The following RANBP2 variants were observed in gnomAD, a reference collection of about 807,000 sequenced individuals.
RANBP2 encodes RAN binding protein 2.
A neutral mutation model predicts 303.6 loss-of-function variants in RANBP2; 57 were observed. That is an observed-to-expected ratio of 0.19 (90% CI 0.15 to 0.23). The LOEUF (loss-of-function observed/expected upper bound fraction) is 0.23. Ranked by LOEUF, RANBP2 falls within the 10% of genes least tolerant of loss-of-function variation. The probability of loss-of-function intolerance (pLI) is 1.00; values close to 1 mark genes in which losing one functional copy is unlikely to be tolerated. For synonymous variants in RANBP2, 1,167 were observed against 1,301.5 expected, an observed-to-expected ratio of 0.90 and a Z score of 2.23; for missense variants, 3,138 against 3,780.8, an observed-to-expected ratio of 0.83 and a Z score of 4.46.
In RANBP2 at chr2:108,725,741, G is replaced by C. The variant is rs1415121070; in HGVS notation, c.73-3391G>C. Among the ~76,000 whole-genome samples, 3 of 149,806 alleles carry C rather than the reference G, an allele frequency of 2.0e-5. No individual in the cohort carries two copies. In the East Asian group the frequency reaches 6.1e-4, roughly 31 times the overall value. ...CAAGACTCCATCTCAAAAAAAAAAA[G>C]GAAGGGGGGAACAAGCCTTGTTCCT... On this transcript the variant is annotated intron_variant, in intron 1 of 28. Transcript: ENST00000283195.
At chr2:109,521,137 G>C in the RANBP2 span, among the ~76,000 whole-genome samples, 1 of 151,474 alleles carries the variant, frequency 6.6e-6, no homozygotes, top group Non-Finnish European at 1.5e-5. Context: ...AGAATGGCGT[G>C]AACCCGGGAG....
chr2:108,878,701 A>G, the RANBP2 span, among the ~76,000 whole-genome samples: 2 of 152,228 alleles, frequency 1.3e-5, no homozygotes, highest in African/African-American at 4.8e-5. Flanking sequence ...TGTTAGTAGT[A>G]AGTATCTGGG....
At chr2:108,730,263 A>G (rs1408803521) in intron 2 of RANBP2, among the ~76,000 whole-genome samples, 1 of 138,908 alleles carries the variant, frequency 7.2e-6, no homozygotes, top group Non-Finnish European at 1.5e-5. Flanking sequence ...AATTTCCTGT[A>G]TTTGGTACTG....
chr2:109,473,277 G>T, the RANBP2 span, among the ~76,000 whole-genome samples: 1 of 152,236 alleles, frequency 6.6e-6, no homozygotes, highest in African/African-American at 2.4e-5. Flanking sequence ...TGGAGCTGGG[G>T]TTGGGCCCTG....
chr2:109,742,304 C>T, the RANBP2 span, among the ~76,000 whole-genome samples: 24 of 95,662 alleles, frequency 2.5e-4, 1 homozygote, highest in African/African-American at 1.1e-3. Flanking sequence ...GCCTGTAATC[C>T]CAGCTATTTG....
At chr2:109,545,970 T>C in the RANBP2 span, 1 of 1,493,706 alleles carries the variant, frequency 6.7e-7, no homozygotes, top group African/African-American at 1.4e-5. Context: ...GAAGCAGAAG[T>C]AAGAAGCGCT....
chr2:108,995,566 T>A, the RANBP2 span, among the ~76,000 whole-genome samples: 6 of 152,218 alleles, frequency 3.9e-5, no homozygotes, highest in African/African-American at 1.4e-4. Flanking sequence ...AGCTGCTGCC[T>A]GCCACCTCTT....
At chr2:109,348,932 G>A in the RANBP2 span, among the ~76,000 whole-genome samples, 4 of 152,000 alleles carry the variant, frequency 2.6e-5, 1 homozygote, top group East Asian at 5.8e-4. Flanking sequence ...CCCTTATGTC[G>A]GCCTCACTGT....
the RANBP2 span, among the ~76,000 whole-genome samples, chr2:109,537,239 G>T: frequency 8.6e-3 from 1,304 of 152,228 alleles, 22 homozygotes; most frequent in African/African-American, 0.03. Context: ...TGTTATAAGA[G>T]ATTTTTCTTG....
At chr2:108,858,171 C>T in the RANBP2 span, among the ~76,000 whole-genome samples, 3 of 152,256 alleles carry the variant, frequency 2.0e-5, no homozygotes, top group African/African-American at 7.2e-5. Context: ...CGGTGAAACC[C>T]CGTCTGTACT....
the RANBP2 span, among the ~76,000 whole-genome samples, chr2:109,379,099 T>C: frequency 6.6e-6 from 1 of 152,246 alleles, no homozygotes; most frequent in Non-Finnish European, 1.5e-5. Context: ...CCGCTCTTGG[T>C]GATTGCTGTC....
the RANBP2 span, among the ~76,000 whole-genome samples, chr2:109,247,216 C>T: frequency 3.9e-5 from 6 of 152,194 alleles, no homozygotes; most frequent in Middle Eastern, 3.4e-3. Context: ...GAAGTCACAC[C>T]CCACACAGAT....
At chr2:108,911,433 T>C in the RANBP2 span, among the ~76,000 whole-genome samples, 1 of 152,260 alleles carries the variant, frequency 6.6e-6, no homozygotes, top group African/African-American at 2.4e-5. Context: ...GGCAGCACAA[T>C]TCAAGTTTGG....
chr2:109,079,947 T>C, the RANBP2 span, among the ~76,000 whole-genome samples: 1 of 152,218 alleles, frequency 6.6e-6, no homozygotes, highest in African/African-American at 2.4e-5. Context: ...CCAAGGACCC[T>C]GTGCCTGCTG....
At chr2:108,839,372 A>G in the RANBP2 span, 369 of 1,303,656 alleles carry the variant, frequency 2.8e-4, no homozygotes, top group Middle Eastern at 3.8e-4. Context: ...TTGTTTCACA[A>G]TATCTGTTTT....
the RANBP2 span, among the ~76,000 whole-genome samples, chr2:108,916,725 GGTGGGATGGTGGACC>G: frequency 2.6e-5 from 4 of 152,140 alleles, no homozygotes; most frequent in African/African-American, 9.7e-5. Flanking sequence ...GGGCAAGATG[GGTGGGATGGTGGACC>G]CTGACATTTC....
At chr2:108,756,148 G>A (rs1382915534) in intron 17 of RANBP2, among the ~76,000 whole-genome samples, 1 of 152,188 alleles carries the variant, frequency 6.6e-6, no homozygotes, top group African/African-American at 2.4e-5. Context: ...GAAGGTTCCT[G>A]AGTGATTGAA....
At chr2:109,518,915 C>CTTTTTTTTTTT in the RANBP2 span, among the ~76,000 whole-genome samples, 20 of 110,988 alleles carry the variant, frequency 1.8e-4, no homozygotes, top group African/African-American at 7.1e-4. Context: ...TGCTACATAT[C>CTTTTTTTTTTT]TTTTTTTTTT....
the RANBP2 span, among the ~76,000 whole-genome samples, chr2:108,990,157 C>T: frequency 1.7e-3 from 257 of 152,124 alleles, no homozygotes; most frequent in Middle Eastern, 6.8e-3. Context: ...TTAGGCCGGG[C>T]GCGGTGGCTC....
Sources: gnomAD v4.1 joint callset for allele counts (sites outside exome capture counted in the v4.1 genomes callset) on GRCh38, gnomAD v4.1.1 for gene constraint, MANE v1.5 for transcripts, NCBI Gene and HGNC (gene_info 2026-07-23, HGNC 2026-07-21) for gene names.